The following SERPINB8 variants were observed in gnomAD, a reference collection of about 807,000 sequenced individuals.
SERPINB8 encodes the protein serpin B8.
Under a neutral mutation model 35.3 loss-of-function variants are expected in SERPINB8, and 25 were observed. The ratio of observed to expected loss-of-function variants is 0.71; its 90% CI spans 0.52 to 0.99. The LOEUF (loss-of-function observed/expected upper bound fraction) is 0.99, where lower values mean the gene tolerates loss of function less well. Among genes scored for constraint, SERPINB8 ranks in the 50% least tolerant of loss-of-function variants. The pLI, the probability that SERPINB8 is intolerant of heterozygous loss-of-function variation, is 0.00. For synonymous variants in SERPINB8, 186 were observed against 160.8 expected, an observed-to-expected ratio of 1.16 and a Z score of -1.19; for missense variants, 484 against 446.5, an observed-to-expected ratio of 1.08 and a Z score of -0.76.
At chr18:64,018,627 T>C (rs2050961231) in intron 7 of SERPINB8, among the ~76,000 whole-genome samples, 1 of 152,228 alleles carries the variant, frequency 6.6e-6, no homozygotes, top group East Asian at 1.9e-4. Context: ...TTTACTGTTT[T>C]GCAGATAAAT....
chr18:64,005,562 G>T (rs182214376), exon 2 of SERPINB8: 33 of 152,268 alleles, frequency 2.2e-4, no homozygotes, highest in Admixed American at 1.9e-3. Flanking sequence ...CATCTATAAA[G>T]CAGAGAATAA....
chr18:63,974,365 T>C (rs2050546599), intron 1 of SERPINB8, among the ~76,000 whole-genome samples: 1 of 152,150 alleles, frequency 6.6e-6, no homozygotes, highest in Non-Finnish European at 1.5e-5. Flanking sequence ...AAACTCACTT[T>C]TGGATGTTGT....
chr18:64,013,699 A>C (rs1047898275), intron 7 of SERPINB8, among the ~76,000 whole-genome samples: 1 of 152,234 alleles, frequency 6.6e-6, no homozygotes, highest in African/African-American at 2.4e-5. Flanking sequence ...TTAGATTGGC[A>C]GTGAGGGAAA....
intron 7 of SERPINB8, among the ~76,000 whole-genome samples, chr18:64,012,188 CTT>C (rs1340799337): frequency 9.9e-5 from 15 of 152,028 alleles, no homozygotes; most frequent in African/African-American, 3.6e-4. Context: ...TAAAAGAACT[CTT>C]TACATATTTT....
chr18:64,009,696 A>C (rs182649920), downstream of SERPINB8, among the ~76,000 whole-genome samples: 1 of 152,360 alleles, frequency 6.6e-6, no homozygotes, highest in East Asian at 1.9e-4. Context: ...AAGCTGCAAA[A>C]GTTTTTTTGT....
chr18:63,986,803 G>A, intron 6 of SERPINB8, 71 bp from the exon 7 acceptor site: 1 of 1,437,720 alleles, frequency 7.0e-7, no homozygotes, highest in East Asian at 2.3e-5. Context: ...TGGGGGAGGG[G>A]TAATAAATGG....
At chr18:64,003,439 T>C (rs1363025247) in intron 1 of SERPINB8, among the ~76,000 whole-genome samples, 2 of 152,182 alleles carry the variant, frequency 1.3e-5, no homozygotes, top group Non-Finnish European at 2.9e-5. Flanking sequence ...TGGCATTTTA[T>C]ATCAGAGACT....
In SERPINB8 at chr18:63,979,725, A is replaced by C. The variant is rs933007221; in HGVS notation, c.169-76A>C. 1.6e-5 allele frequency: 25 copies of C among 1,563,724 alleles called. No homozygotes were observed. The Admixed American group carries it at 4.4e-4, about 27-fold the overall frequency. Reference sequence around the variant, plus strand: ...GGATCCTGTGTGGTTTTTTTAGTACAGAGGTTTGTTTGGAGAAAGCTCTTT... The same window carrying C: ...GGATCCTGTGTGGTTTTTTTAGTACCGAGGTTTGTTTGGAGAAAGCTCTTT... On this transcript the variant is annotated intron_variant, in intron 2 of 6. Coordinates refer to ENST00000397985, the MANE Select transcript of SERPINB8 (RefSeq NM_002640.4).
chr18:63,980,217 C>T (rs1568272640), intron 3 of SERPINB8, among the ~76,000 whole-genome samples: 1 of 152,300 alleles, frequency 6.6e-6, no homozygotes, highest in East Asian at 1.9e-4. Context: ...TCATTCAACA[C>T]GCTGTACAGA....
In SERPINB8 at chr18:63,983,597, T is replaced by C. The variant is rs146596482; in HGVS notation, c.443T>C (p.Leu148Pro). Reference sequence around the variant, plus strand: ...TTTATAGGTAAGATTTCAGAGGTACTGGATGCTGGGACAGTCGATCCCCTG... The same window carrying C: ...TTTATAGGTAAGATTTCAGAGGTACCGGATGCTGGGACAGTCGATCCCCTG... ...EKTEGKISEV[L>P]DAGTVDPLTK... The change falls in exon 5 of 7, where the codon CTG becomes CCG. Residue 148 changes from leucine to proline, a missense_variant. By Grantham distance (98) the Leu-to-Pro change is moderately conservative. Transcript: ENST00000397985. The C allele has an allele frequency of 6.2e-5, 100 of 1,613,820 alleles. No homozygotes were observed. The highest frequency in any genetic ancestry group is 7.9e-5 in the Non-Finnish European group (93 of 1,179,830).
chr18:64,006,404 A>G (rs1160713828), downstream of SERPINB8, among the ~76,000 whole-genome samples: 1 of 152,196 alleles, frequency 6.6e-6, no homozygotes, highest in Non-Finnish European at 1.5e-5. Flanking sequence ...TGAGGTCTTG[A>G]GAATGGGAAC....
intron 1 of SERPINB8, among the ~76,000 whole-genome samples, chr18:63,971,821 C>G (rs998294083): frequency 1.4e-4 from 21 of 152,102 alleles, no homozygotes; most frequent in African/African-American, 5.1e-4. Flanking sequence ...CATAAGGGTC[C>G]GTCCTATCTC....
rs2144828227 is a variant in SERPINB8 at position 63,988,392 on chromosome 18, A to T, written c.*1114A>T. ...TTAGACAGTTTGAGTAATTAAAATT[A>T]TTTCTATTAACAAATAATAGATTGC... On this transcript the variant is annotated 3_prime_UTR_variant, in exon 7 of 7. Coordinates refer to ENST00000397985, the MANE Select transcript of SERPINB8 (RefSeq NM_002640.4). 1 of 152,330 alleles carries T rather than the reference A, an allele frequency of 6.6e-6. No homozygotes were observed. Among genetic ancestry groups the T allele is most frequent in the African/African-American group, 2.4e-5 (1 of 41,578 alleles). 9.4% of individuals were successfully genotyped at this position (152,330 alleles called of 1,614,324 possible).
chr18:63,975,857 A>G (rs2050573464), intron 1 of SERPINB8, among the ~76,000 whole-genome samples: 1 of 152,178 alleles, frequency 6.6e-6, no homozygotes, highest in Admixed American at 6.5e-5. Flanking sequence ...TCCTTGTCTC[A>G]GCCACTCAAT....
At chr18:64,007,911 T>C (rs954548902), downstream of SERPINB8, among the ~76,000 whole-genome samples, 2 of 152,146 alleles carry the variant, frequency 1.3e-5, no homozygotes, top group African/African-American at 4.8e-5. Flanking sequence ...ATATGAACTG[T>C]ACAAGAACAG....
downstream of SERPINB8, among the ~76,000 whole-genome samples, chr18:63,993,139 T>G (rs1003803478): frequency 6.6e-6 from 1 of 151,900 alleles, no homozygotes; most frequent in African/African-American, 2.4e-5. Context: ...TTAGTTTTTT[T>G]AAGGTGAAAC....
At chr18:63,989,404 C>G (rs934127917), downstream of SERPINB8, 3 of 152,020 alleles carry the variant, frequency 2.0e-5, no homozygotes, top group African/African-American at 7.2e-5. Context: ...GTCTTCATTT[C>G]TTTTGTATAT....
intron 5 of SERPINB8, among the ~76,000 whole-genome samples, chr18:63,984,002 A>G (rs1349681578): frequency 1.3e-5 from 2 of 152,114 alleles, no homozygotes. Flanking sequence ...GCACACCACC[A>G]GGCCTGGCTA....
intron 7 of SERPINB8, among the ~76,000 whole-genome samples, chr18:64,012,366 A>G (rs888967945): frequency 9.3e-4 from 141 of 152,260 alleles, no homozygotes; most frequent in African/African-American, 3.2e-3. Flanking sequence ...TTCCCATCTT[A>G]CTGTCTAGAA....
Sources: allele counts gnomAD v4.1 joint callset (sites outside exome capture counted in the v4.1 genomes callset), GRCh38; gene constraint gnomAD v4.1.1; transcripts MANE v1.5; gene names NCBI Gene and HGNC (gene_info 2026-07-23, HGNC 2026-07-21).